The following CSMD1 variants were observed in gnomAD, a reference collection of about 807,000 sequenced individuals.
CSMD1 encodes CUB and Sushi multiple domains 1.
A neutral mutation model predicts 417.5 loss-of-function variants in CSMD1; 213 were observed. That is an observed-to-expected ratio of 0.51 (90% CI 0.46 to 0.57). CSMD1 has a LOEUF of 0.57. Among genes scored for constraint, CSMD1 ranks in the 20% least tolerant of loss-of-function variants. CSMD1 has a pLI of 0.00. For missense variants in CSMD1, 6,923 were observed against 4,529.7 expected (o/e 1.53, Z -15.17); for synonymous variants, 2,862 against 1,736.8 (o/e 1.65, Z -16.11).
chr8:3,781,868 C>A (rs1298370604), intron 5 of CSMD1, among the ~76,000 whole-genome samples: 1 of 151,940 alleles, frequency 6.6e-6, no homozygotes, highest in East Asian at 1.9e-4. Flanking sequence ...GGCATTTTCC[C>A]GCTATTTTTT....
chr8:3,551,804 T>G (rs1386829145), intron 10 of CSMD1, among the ~76,000 whole-genome samples: 1 of 152,108 alleles, frequency 6.6e-6, no homozygotes, highest in Non-Finnish European at 1.5e-5. Flanking sequence ...ATGCTGAGTG[T>G]GACATGCAGT....
At position 4,944,635 on chromosome 8, in the gene CSMD1, G is replaced by A. The variant is rs753188601; in HGVS notation, c.85+49697C>T. 7.2e-5 allele frequency among the ~76,000 whole-genome samples: 11 copies of A among 152,254 alleles called. No individual in the cohort carries two copies. The East Asian group carries it at 1.9e-3, about 27-fold the overall frequency. On this transcript the variant is annotated intron_variant, in intron 1 of 69. Coordinates refer to ENST00000635120, the MANE Select transcript of CSMD1 (RefSeq NM_033225.6). ...AAAATGTATGCGGACTGGCCAACAA[G>A]CATATGAAGAGATGTTCGATATTAT...
intron 41 of CSMD1, among the ~76,000 whole-genome samples, chr8:3,119,248 ACCTAATAATTC>A (rs1010664307): frequency 8.6e-5 from 13 of 151,970 alleles, no homozygotes; most frequent in African/African-American, 2.2e-4. Context: ...GTGAACATAT[ACCTAATAATTC>A]CCTTTTATTT....
chr8:3,764,206 A>C (rs1048808530), intron 5 of CSMD1, among the ~76,000 whole-genome samples: 17 of 152,104 alleles, frequency 1.1e-4, no homozygotes, highest in Non-Finnish European at 2.1e-4. Flanking sequence ...TTAGGTCACT[A>C]AGTCACATGT....
In CSMD1 at chr8:3,690,598, C is replaced by T. The variant is rs116176574; in HGVS notation, c.1009+17816G>A. Among the ~76,000 whole-genome samples the T allele has an allele frequency of 5.9e-3, 905 of 152,234 alleles. 11 individuals are homozygous for T. The highest frequency in any genetic ancestry group is 0.021 in the African/African-American group (861 of 41,560). On this transcript the variant is annotated intron_variant, in intron 7 of 69. Coordinates refer to ENST00000635120, the MANE Select transcript of CSMD1 (RefSeq NM_033225.6). ...TTTACATCAGTGAGATGTGATTCAA[C>T]GGTACTGTGATGATATCATAGCTTC...
At chr8:3,937,584 A>C (rs12542742) in intron 5 of CSMD1, among the ~76,000 whole-genome samples, 1 of 152,164 alleles carries the variant, frequency 6.6e-6, no homozygotes, top group Non-Finnish European at 1.5e-5. Context: ...TGTAAATATA[A>C]CTTTAATATG....
intron 2 of CSMD1, among the ~76,000 whole-genome samples, chr8:4,442,303 G>C (rs1007064495): frequency 6.6e-6 from 1 of 152,072 alleles, no homozygotes. Context: ...AGTTAGAAAA[G>C]AAATGAACAC....
chr8:3,214,573 A>C lies in CSMD1; in HGVS notation c.4791T>G (p.Leu1597=). The C allele has an allele frequency of 6.3e-7, 1 of 1,585,252 alleles. No homozygotes were observed. The highest frequency in any genetic ancestry group is 8.6e-7 in the Non-Finnish European group (1 of 1,165,128). Residue 1597 remains leucine (L), a synonymous_variant, in exon 30 of 70, where the codon CTT becomes CTG. Transcript: ENST00000635120. The part of the protein sequence containing the change: ...TYQCDSGYKI[L]DPSSITCVIG... Reference sequence around the variant, plus strand: ...TCACACAGGTGATGGATGAGGGGTCAAGAATCTTATAGCCAGAGTCACACT... The same window carrying C: ...TCACACAGGTGATGGATGAGGGGTCCAGAATCTTATAGCCAGAGTCACACT...
chr8:3,876,906 C>G (rs1320761069), intron 5 of CSMD1, among the ~76,000 whole-genome samples: 4 of 152,226 alleles, frequency 2.6e-5, no homozygotes, highest in African/African-American at 9.6e-5. Flanking sequence ...ATGATCCACT[C>G]TGTCCAGCCT....
intron 3 of CSMD1, among the ~76,000 whole-genome samples, chr8:4,066,860 T>C (rs1228723087): frequency 6.6e-6 from 1 of 152,226 alleles, no homozygotes; most frequent in African/African-American, 2.4e-5. Context: ...CCTTGATCAC[T>C]GCTGATTTAA....
intron 3 of CSMD1, among the ~76,000 whole-genome samples, chr8:4,172,046 T>C (rs111385999): frequency 7.2e-5 from 11 of 152,116 alleles, no homozygotes; most frequent in African/African-American, 2.2e-4. Context: ...GGAAACACAA[T>C]GCACGATGCT....
chr8:3,896,505 C>CTAG lies in CSMD1; in HGVS notation c.818+101397_818+101398insCTA, dbSNP rs1554478031. On this transcript the variant is annotated intron_variant, in intron 5 of 69. Coordinates refer to ENST00000635120, the MANE Select transcript of CSMD1 (RefSeq NM_033225.6). ...CCAAATAAGGTCTTGAATATTATTA[C>CTAG]TATTATTATTATTATTATTATTTTG... Among the ~76,000 whole-genome samples the CTAG allele has an allele frequency of 1.1e-4, 16 of 151,100 alleles. 1 individual carries two copies. The South Asian group carries it at 3.3e-3, about 32-fold the overall frequency.
At chr8:3,555,898 A>C (rs1005796897) in intron 10 of CSMD1, among the ~76,000 whole-genome samples, 2 of 152,184 alleles carry the variant, frequency 1.3e-5, no homozygotes, top group African/African-American at 4.8e-5. Flanking sequence ...TCCAGAAGTC[A>C]GTCAAATGTG....
chr8:4,953,906 G>A (rs1307975752), intron 1 of CSMD1, among the ~76,000 whole-genome samples: 1 of 152,060 alleles, frequency 6.6e-6, no homozygotes, highest in Non-Finnish European at 1.5e-5. Flanking sequence ...CCAGGAGTAG[G>A]GATCAAGGGT....
At chr8:3,729,093 G>A (rs952802564) in intron 6 of CSMD1, among the ~76,000 whole-genome samples, 7 of 152,174 alleles carry the variant, frequency 4.6e-5, no homozygotes, top group African/African-American at 1.4e-4. Context: ...TGTCAGCCAG[G>A]GAAGTAAAGG....
intron 6 of CSMD1, among the ~76,000 whole-genome samples, chr8:3,730,370 A>ATTTTT (rs374243053): frequency 0.058 from 7,662 of 131,720 alleles, 423 homozygotes; most frequent in African/African-American, 0.1. Context: ...TTAAGGAGCG[A>ATTTTT]TTTTTTTTTT....
At chr8:4,292,440 G>C (rs1191774932) in intron 3 of CSMD1, among the ~76,000 whole-genome samples, 2 of 152,016 alleles carry the variant, frequency 1.3e-5, no homozygotes, top group African/African-American at 4.8e-5. Flanking sequence ...TTTTAATACA[G>C]ACGGAATTTC....
chr8:3,205,935 A>G (rs912092077), intron 30 of CSMD1, among the ~76,000 whole-genome samples: 1 of 152,208 alleles, frequency 6.6e-6, no homozygotes, highest in Non-Finnish European at 1.5e-5. Flanking sequence ...AAATTATTTT[A>G]GAAAGTCTCG....
intron 7 of CSMD1, among the ~76,000 whole-genome samples, chr8:3,703,703 G>C (rs1164106948): frequency 6.6e-6 from 1 of 152,164 alleles, no homozygotes; most frequent in Non-Finnish European, 1.5e-5. Flanking sequence ...TCCAAACACA[G>C]GCACTTTCAT....
Sources: gnomAD v4.1 joint callset for allele counts (sites outside exome capture counted in the v4.1 genomes callset) on GRCh38, gnomAD v4.1.1 for gene constraint, MANE v1.5 for transcripts, NCBI Gene and HGNC (gene_info 2026-07-23, HGNC 2026-07-21) for gene names.